The following MGAT4C variants were observed in gnomAD, a reference collection of about 807,000 sequenced individuals.
MGAT4C encodes alpha-1,3-mannosyl-glycoprotein 4-beta-N-acetylglucosaminyltransferase C.
MGAT4C carries 19 observed loss-of-function variants against 40.1 expected under a neutral mutation model. The ratio of observed to expected loss-of-function variants is 0.47; its 90% CI spans 0.33 to 0.70. The LOEUF (loss-of-function observed/expected upper bound fraction) is 0.70. Among genes scored for constraint, MGAT4C ranks in the 30% least tolerant of loss-of-function variants. MGAT4C has a pLI of 0.02. For synonymous variants in MGAT4C, 181 were observed against 187.1 expected (o/e 0.97, Z 0.27); for missense variants, 491 against 563.2 (o/e 0.87, Z 1.30).
chr12:86,167,742 A>G (rs935776628), intron 1 of MGAT4C, among the ~76,000 whole-genome samples: 2 of 152,222 alleles, frequency 1.3e-5, no homozygotes, highest in Non-Finnish European at 2.9e-5. Flanking sequence ...CTCATGACCC[A>G]ATCACCTCTT....
intron 2 of MGAT4C, among the ~76,000 whole-genome samples, chr12:86,041,772 A>T (rs374430848): frequency 1.3e-5 from 2 of 152,176 alleles, no homozygotes; most frequent in South Asian, 2.1e-4. Flanking sequence ...ACCCGTGTGC[A>T]CGTGAAAAGA....
intron 2 of MGAT4C, among the ~76,000 whole-genome samples, chr12:85,997,335 G>T (rs1432016793): frequency 6.6e-6 from 1 of 152,084 alleles, no homozygotes; most frequent in African/African-American, 2.4e-5. Context: ...GATGAGATTT[G>T]GGTGGGGAAC....
At chr12:86,295,568 A>G (rs1021249859) in intron 4 of MGAT4C, among the ~76,000 whole-genome samples, 2 of 152,132 alleles carry the variant, frequency 1.3e-5, no homozygotes, top group Admixed American at 6.5e-5. Flanking sequence ...ATGCTTCCAC[A>G]GTGTGGAAGG....
intron 2 of MGAT4C, among the ~76,000 whole-genome samples, chr12:86,035,394 G>A (rs61931117): frequency 0.22 from 32,455 of 149,658 alleles, 6,144 homozygotes; most frequent in Non-Finnish European, 0.31. Context: ...AGAAGTGTCT[G>A]TTCATATCCT....
At chr12:86,333,303 A>G (rs1954713464) in intron 4 of MGAT4C, among the ~76,000 whole-genome samples, 1 of 152,218 alleles carries the variant, frequency 6.6e-6, no homozygotes, top group African/African-American at 2.4e-5. Context: ...AGGTAATGTG[A>G]CAGCAAATGG....
At chr12:86,045,671 GAAC>G (rs767644463) in intron 2 of MGAT4C, among the ~76,000 whole-genome samples, 7 of 152,104 alleles carry the variant, frequency 4.6e-5, no homozygotes, top group Admixed American at 1.3e-4. Context: ...GATAATCAGA[GAAC>G]AACAATCTGA....
At chr12:86,468,475 C>A (rs1409576426) in intron 2 of MGAT4C, among the ~76,000 whole-genome samples, 2 of 151,950 alleles carry the variant, frequency 1.3e-5, no homozygotes, top group Non-Finnish European at 2.9e-5. Flanking sequence ...CTCTCCACCC[C>A]ATATCCACAC....
intron 2 of MGAT4C, among the ~76,000 whole-genome samples, chr12:86,676,023 A>G (rs1964390353): frequency 6.6e-6 from 1 of 152,164 alleles, no homozygotes; most frequent in Admixed American, 6.6e-5. Context: ...ATACGAAAAA[A>G]TTAACCACTG....
rs554417904 is a variant in MGAT4C at position 86,587,573 on chromosome 12, T to C, written c.-229+139636A>G. 2.6e-4 allele frequency among the ~76,000 whole-genome samples: 39 copies of C among 152,220 alleles called. No individual in the cohort carries two copies. In the South Asian group the frequency reaches 2.9e-3, roughly 11 times the overall value. ...CCATTTTCACGATATTCATTCTTCC[T>C]ACCCATGAGCATGGAATGTTCTTCC... On this transcript the variant is annotated intron_variant, in intron 2 of 7. Coordinates refer to the MGAT4C transcript ENST00000548651.
At chr12:86,241,520 T>C (rs1317817860) in intron 1 of MGAT4C, among the ~76,000 whole-genome samples, 1 of 152,184 alleles carries the variant, frequency 6.6e-6, no homozygotes, top group Non-Finnish European at 1.5e-5. Context: ...CCTCATTATT[T>C]TGTTTGATAG....
intron 3 of MGAT4C, among the ~76,000 whole-genome samples, chr12:86,410,018 C>T (rs571501957): frequency 5.4e-4 from 82 of 151,906 alleles, no homozygotes; most frequent in Non-Finnish European, 1.0e-4. Context: ...AGGGGGTGTA[C>T]GAACAGGGAG....
chr12:86,393,937 T>C (rs1286998457), intron 3 of MGAT4C, among the ~76,000 whole-genome samples: 2 of 152,200 alleles, frequency 1.3e-5, no homozygotes, highest in African/African-American at 4.8e-5. Context: ...GATGGGAATG[T>C]TAACCAGTTC....
At position 85,969,833 on chromosome 12, in the gene MGAT4C, T is replaced by C. The variant is rs1340392710; in HGVS notation, c.*9456A>G. The C allele has an allele frequency of 6.6e-6, 1 of 151,432 alleles. No individual in the cohort carries two copies. Among genetic ancestry groups the C allele is most frequent in the Admixed American group, 6.6e-5 (1 of 15,160 alleles). 9.4% of individuals were successfully genotyped at this position (151,432 alleles called of 1,614,324 possible). On this transcript the variant is annotated 3_prime_UTR_variant, in exon 5 of 5. Transcript: ENST00000611864. ...GGACAAGTTAGTAAAACCCTATTTTTCATATGCTCTTTAGCTTTTTTAATA... is the reference window on the plus strand; with the variant it reads ...GGACAAGTTAGTAAAACCCTATTTTCCATATGCTCTTTAGCTTTTTTAATA...
chr12:86,362,818 G>C (rs781101149), intron 3 of MGAT4C, among the ~76,000 whole-genome samples: 54 of 130,894 alleles, frequency 4.1e-4, no homozygotes, highest in Admixed American at 8.3e-4. Context: ...AGTGAGCCGA[G>C]ATCACGCTGC....
intron 1 of MGAT4C, among the ~76,000 whole-genome samples, chr12:86,110,254 A>AATATATATAGACTAT (rs1555224726): frequency 1.1e-4 from 1 of 8,840 alleles, no homozygotes; most frequent in Non-Finnish European, 2.1e-4. Context: ...ACAATAAATG[A>AATATATATAGACTAT]ATATATATAT....
chr12:86,411,468 G>A (rs1956603754), intron 3 of MGAT4C, among the ~76,000 whole-genome samples: 1 of 152,110 alleles, frequency 6.6e-6, no homozygotes, highest in Middle Eastern at 3.2e-3. Context: ...CTGAACTAGG[G>A]GTTTGTGGAA....
intron 2 of MGAT4C, among the ~76,000 whole-genome samples, chr12:86,446,351 T>A (rs987448962): frequency 6.6e-6 from 1 of 152,086 alleles, no homozygotes; most frequent in South Asian, 2.1e-4. Flanking sequence ...TGGTAAAGTA[T>A]ATAATGCACT....
intron 2 of MGAT4C, among the ~76,000 whole-genome samples, chr12:86,701,238 T>A (rs986916117): frequency 1.3e-5 from 2 of 152,164 alleles, no homozygotes; most frequent in Non-Finnish European, 2.9e-5. Context: ...ATGTTACTTT[T>A]TTTTTTACAA....
At chr12:86,120,087 C>A (rs2135677585) in intron 1 of MGAT4C, among the ~76,000 whole-genome samples, 1 of 151,066 alleles carries the variant, frequency 6.6e-6, no homozygotes, top group African/African-American at 2.4e-5. Context: ...TTTCCTGGGC[C>A]TCAGTCTTAT....
Sources: gnomAD v4.1 joint callset for allele counts (sites outside exome capture counted in the v4.1 genomes callset) on GRCh38, gnomAD v4.1.1 for gene constraint, MANE v1.5 for transcripts, NCBI Gene and HGNC (gene_info 2026-07-23, HGNC 2026-07-21) for gene names.